The following EPHA5 variants were observed in gnomAD, a reference collection of about 807,000 sequenced individuals.
The protein encoded by EPHA5 is EPH receptor A5.
Under a neutral mutation model 105.0 loss-of-function variants are expected in EPHA5, and 60 were observed. That is an observed-to-expected ratio of 0.57 (90% confidence interval 0.46 to 0.71). The LOEUF (loss-of-function observed/expected upper bound fraction) is 0.71, where lower values mean the gene tolerates loss of function less well. EPHA5 is among the 30% of genes least tolerant of loss of function. The pLI, the probability that EPHA5 is intolerant of heterozygous loss-of-function variation, is 0.00. For synonymous variants in EPHA5, 513 were observed against 449.1 expected (o/e 1.14, Z -1.80); for missense variants, 1,218 against 1,274.7 (o/e 0.96, Z 0.68).
intron 15 of EPHA5, among the ~76,000 whole-genome samples, chr4:65,335,723 A>G (rs1165251394): frequency 1.3e-5 from 2 of 151,994 alleles, no homozygotes; most frequent in Admixed American, 1.3e-4. Context: ...TCACACTATT[A>G]GATTAGGTAT....
At chr4:65,422,869 G>A (rs1560521046) in intron 5 of EPHA5, among the ~76,000 whole-genome samples, 1 of 151,700 alleles carries the variant, frequency 6.6e-6, no homozygotes, top group African/African-American at 2.4e-5. Flanking sequence ...ATCTAGTGTC[G>A]CCTATTAGAA....
intron 13 of EPHA5, among the ~76,000 whole-genome samples, chr4:65,350,358 CA>C (rs1055214749): frequency 5.1e-4 from 75 of 147,928 alleles, no homozygotes; most frequent in African/African-American, 1.8e-3. Context: ...AATCACAAAG[CA>C]AAAATGTTTT....
chr4:65,439,410 G>C (rs1004675117), intron 5 of EPHA5, among the ~76,000 whole-genome samples: 1 of 151,732 alleles, frequency 6.6e-6, no homozygotes, highest in Non-Finnish European at 1.5e-5. Context: ...ATTTTGTTCC[G>C]CTGTTCCACA....
intron 3 of EPHA5, among the ~76,000 whole-genome samples, chr4:65,558,686 C>A (rs995156158): frequency 6.6e-6 from 1 of 152,014 alleles, no homozygotes; most frequent in Non-Finnish European, 1.5e-5. Flanking sequence ...AATGCTCCCT[C>A]CCTCCTCCCC....
rs138474519 is a variant in EPHA5 at position 65,669,810 on chromosome 4, G to A, written c.-68C>T. 8.9e-3 allele frequency: 10,954 copies of A among 1,233,908 alleles called. 56 individuals are homozygous for A. The highest frequency in any genetic ancestry group is 0.01 in the Non-Finnish European group (10,070 of 989,070). The allele number at this position is 1,233,908 out of a possible 1,614,324, so 76.4% of individuals were successfully genotyped here. On this transcript the variant is annotated 5_prime_UTR_variant, in exon 1 of 17. Transcript: ENST00000613740. ...GTCCACCGCTTCGGCCTCGCAGAGC[G>A]GCGAAGGGAGACTCGGGAGTCCTCC...
At chr4:65,659,319 G>GAAAAAAAAAA (rs5858980) in intron 1 of EPHA5, among the ~76,000 whole-genome samples, 3 of 71,612 alleles carry the variant, frequency 4.2e-5, no homozygotes, top group African/African-American at 1.6e-4. Context: ...TAGAGTAACA[G>GAAAAAAAAAA]AAAAAAAAAA....
chr4:65,516,495 T>C (rs1247099421), intron 3 of EPHA5, among the ~76,000 whole-genome samples: 4 of 151,996 alleles, frequency 2.6e-5, no homozygotes, highest in African/African-American at 2.4e-5. Flanking sequence ...AAGCTCCAAG[T>C]ATAAATTTAT....
intron 9 of EPHA5, among the ~76,000 whole-genome samples, chr4:65,366,473 A>G (rs1717921937): frequency 6.6e-6 from 1 of 151,842 alleles, no homozygotes; most frequent in South Asian, 2.1e-4. Context: ...ATTTCAAGTA[A>G]CTTTTCTGGT....
At chr4:65,463,595 A>C (rs1728325285) in intron 5 of EPHA5, among the ~76,000 whole-genome samples, 1 of 152,268 alleles carries the variant, frequency 6.6e-6, no homozygotes, top group East Asian at 1.9e-4. Context: ...ACTCTATTAC[A>C]GTATCGCACC....
intron 5 of EPHA5, among the ~76,000 whole-genome samples, chr4:65,429,829 C>G (rs988284012): frequency 6.6e-6 from 1 of 151,974 alleles, no homozygotes; most frequent in Non-Finnish European, 1.5e-5. Context: ...GATATTATGC[C>G]AGTAGACACA....
At chr4:65,504,829 CATAA>C (rs1183191513) in intron 3 of EPHA5, among the ~76,000 whole-genome samples, 6 of 151,942 alleles carry the variant, frequency 3.9e-5, no homozygotes, top group Admixed American at 2.6e-4. Context: ...AAATACTTAT[CATAA>C]ATAATATAAT....
At chr4:65,625,906 T>C (rs1392511562) in intron 2 of EPHA5, among the ~76,000 whole-genome samples, 1 of 151,976 alleles carries the variant, frequency 6.6e-6, no homozygotes, top group East Asian at 1.9e-4. Context: ...GGTCAGGAGA[T>C]CGAGACCACG....
chr4:65,600,807 C>T (rs749932153), intron 3 of EPHA5, among the ~76,000 whole-genome samples: 2 of 152,158 alleles, frequency 1.3e-5, no homozygotes, highest in Non-Finnish European at 2.9e-5. Flanking sequence ...AACTGCTCTT[C>T]GTTTTGATAT....
intron 5 of EPHA5, among the ~76,000 whole-genome samples, chr4:65,452,857 A>G (rs1727198842): frequency 6.6e-6 from 1 of 152,176 alleles, no homozygotes. Context: ...AGGTACAATA[A>G]CCTAAACTTA....
At chr4:65,409,749 T>C (rs758174792) in intron 7 of EPHA5, among the ~76,000 whole-genome samples, 1 of 152,182 alleles carries the variant, frequency 6.6e-6, no homozygotes, top group Non-Finnish European at 1.5e-5. Context: ...GTAATGTAAG[T>C]ATGTAGAATC....
rs2149037162 is a variant in EPHA5 at position 65,420,526 on chromosome 4, G to A, written c.1442C>T (p.Ala481Val). Reference sequence around the variant, plus strand: ...CCAAGACAAAGAGATGCTGTTTTTTGCAATTTTCCCTTTTTTCACATTGGT... The same window carrying A: ...CCAAGACAAAGAGATGCTGTTTTTTACAATTTTCCCTTTTTTCACATTGGT... ...PVTNVKKGKI[A>V]KNSISLSWQE... The change falls in exon 6 of 17, where the codon GCA becomes GTA. Residue 481 changes from alanine (A) to valine (V), a missense_variant. By Grantham distance (64) the Ala-to-Val change is moderately conservative. Around this residue, in one of 3 missense-constraint regions of EPHA5, gnomAD observed 971 missense variants for 1,013.5 expected, o/e 0.96. Coordinates refer to ENST00000613740, the MANE Select transcript of EPHA5 (RefSeq NM_001281766.3). 1 of 1,612,522 alleles carries A rather than the reference G, an allele frequency of 6.2e-7. No homozygotes were observed. The highest frequency in any genetic ancestry group is 8.5e-7 in the Non-Finnish European group (1 of 1,179,220).
intron 1 of EPHA5, among the ~76,000 whole-genome samples, chr4:65,662,364 T>C (rs1749627929): frequency 6.6e-6 from 1 of 152,124 alleles, no homozygotes; most frequent in Admixed American, 6.6e-5. Context: ...ACCAGAATCA[T>C]TTACTTAACA....
At chr4:65,603,132 T>C (rs1285070474) in intron 2 of EPHA5, among the ~76,000 whole-genome samples, 1 of 152,088 alleles carries the variant, frequency 6.6e-6, no homozygotes, top group Non-Finnish European at 1.5e-5. Context: ...GTTCTGAAGA[T>C]ATACAGGACG....
rs142880919 is a variant in EPHA5, at chr4:65,365,298, AAAACAAAC to A, written c.1988-104_1988-97del. ...CTTAGACTACTAAGGCTTAGATGAA[AAAACAAAC>A]AAACAAACAAACAAACAAACAAACA... On this transcript the variant is annotated intron_variant, in intron 10 of 16. Coordinates refer to ENST00000613740, the MANE Select transcript of EPHA5 (RefSeq NM_001281766.3). 4.7e-4 allele frequency: 448 copies of A among 960,330 alleles called. 1 individual carries two copies. Among genetic ancestry groups the A allele is most frequent in the African/African-American group, 1.0e-3 (61 of 59,040 alleles). 59.5% of individuals were successfully genotyped at this position (960,330 alleles called of 1,614,324 possible).
Sources: allele counts gnomAD v4.1 joint callset (sites outside exome capture counted in the v4.1 genomes callset), GRCh38; gene constraint gnomAD v4.1.1; regional missense constraint gnomAD v4.1.1; transcripts MANE v1.5; gene names NCBI Gene and HGNC (gene_info 2026-07-23, HGNC 2026-07-21).